The following NMUR2 variants were observed in gnomAD, a reference collection of about 807,000 sequenced individuals.
NMUR2 encodes the protein neuromedin-U receptor 2.
In NMUR2, 24 loss-of-function variants were observed where a neutral mutation model predicts 25.1. The observed-to-expected ratio is 0.96, with a 90% CI of 0.69 to 1.34. The LOEUF (loss-of-function observed/expected upper bound fraction) is 1.34. Ranked by LOEUF, NMUR2 falls within the 40% of genes most tolerant of loss-of-function variation. The pLI, the probability that NMUR2 is intolerant of heterozygous loss-of-function variation, is 0.00. For synonymous variants in NMUR2, 218 were observed against 208.1 expected, an observed-to-expected ratio of 1.05 and a Z score of -0.41; for missense variants, 533 against 512.8, an observed-to-expected ratio of 1.04 and a Z score of -0.38.
At position 152,405,254 on chromosome 5, in the gene NMUR2, AGAGT is replaced by A. The variant is rs564618708; in HGVS notation, c.-145_-142del. 47 of 1,004,098 alleles carry A rather than the reference AGAGT, an allele frequency of 4.7e-5. No homozygotes were observed. The East Asian group carries it at 1.2e-3, about 25-fold the overall frequency. The allele number at this position is 1,004,098 out of a possible 1,614,324, so 62.2% of individuals were successfully genotyped here. A position where few individuals can be genotyped will look rare whatever the true frequency, so the allele number is the denominator to read the frequency against. Reference sequence around the variant, plus strand: ...CAGGCTTCGTAAGGAAGGCTGGGAGAGAGTGAGTGTTTCACCCTCCAGGTTAGGC... The same window carrying A: ...CAGGCTTCGTAAGGAAGGCTGGGAGAGAGTGTTTCACCCTCCAGGTTAGGC... On this transcript the variant is annotated 5_prime_UTR_variant, in exon 1 of 4. Transcript: ENST00000255262.
chr5:152,404,801 C>T lies in NMUR2; in HGVS notation c.313G>A (p.Glu105Lys), dbSNP rs775060719. ...AAGAAAGGGTAGTTGCGCCACATCT[C>T]ATAGACCTCCAGGGGCATTCCAAGG... ...LLLGMPLEVY[E>K]MWRNYPFLFG... Residue 105 changes from glutamate to lysine, a missense_variant, in exon 1 of 4, where the codon GAG becomes AAG. Transcript: ENST00000255262. 5.0e-6 allele frequency: 8 copies of T among 1,614,022 alleles called. No homozygotes were observed. The highest frequency in any genetic ancestry group is 6.8e-6 in the Non-Finnish European group (8 of 1,180,038).
Position 152,392,303 on chromosome 5 carries a change from C to T in NMUR2, c.1136G>A (p.Gly379Asp). 1 of 1,613,872 alleles carries T rather than the reference C, an allele frequency of 6.2e-7. No homozygotes were observed. Among genetic ancestry groups the T allele is most frequent in the Non-Finnish European group, 8.5e-7 (1 of 1,179,922 alleles). The change falls in exon 4 of 4, where the codon GGT (glycine) becomes GAT (aspartate). Residue 379 changes from glycine to aspartate, a missense_variant. By Grantham distance (94) the Gly-to-Asp change is moderately conservative. Coordinates refer to ENST00000255262, the MANE Select transcript of NMUR2 (RefSeq NM_020167.5). ...GGATGACTGACATGGGAATTGGGGA[C>T]CTATATCTTCGGTCAGCTCCACAAA... ...CHFVELTEDI[G>D]PQFPCQSSMH...
intron 1 of NMUR2, among the ~76,000 whole-genome samples, chr5:152,402,301 A>G (rs1364645298): frequency 1.3e-5 from 2 of 152,162 alleles, no homozygotes; most frequent in South Asian, 2.1e-4. Flanking sequence ...TATAGTGTAC[A>G]TAAAGGCCCT....
rs915020012 is a variant in NMUR2 at position 152,392,715 on chromosome 5, T to C, written c.938-214A>G. ...ATCAAACACAAAGATTAAAGAGTCT[T>C]GGAGTAAGTTAGGCTGACATGGGAT... On this transcript the variant is annotated intron_variant, in intron 3 of 3. Coordinates refer to ENST00000255262, the MANE Select transcript of NMUR2 (RefSeq NM_020167.5). Among the ~76,000 whole-genome samples the C allele has an allele frequency of 2.0e-5, 3 of 152,314 alleles. No individual in the cohort carries two copies. In the South Asian group the frequency reaches 6.2e-4, roughly 32 times the overall value.
At position 152,392,487 on chromosome 5, in the gene NMUR2, G is replaced by A; in HGVS notation, c.952C>T (p.Leu318=). Residue 318 remains leucine, a synonymous_variant, in exon 4 of 4, where the codon CTG becomes TTG. Coordinates refer to ENST00000255262, the MANE Select transcript of NMUR2 (RefSeq NM_020167.5). ...ATAATGGGGTTGACAGCTGAGCTCA[G>A]GTAGAAGAAGACACCTGGAATGCAG... is the stretch of plus-strand genomic sequence containing the variant. ...VHVVSGVFFY[L]SSAVNPIIYN... 1 of 1,612,062 alleles carries A rather than the reference G, an allele frequency of 6.2e-7. No homozygotes were observed. Among genetic ancestry groups the A allele is most frequent in the Non-Finnish European group, 8.5e-7 (1 of 1,178,418 alleles).
At chr5:152,401,809 A>T (rs961061865) in intron 1 of NMUR2, among the ~76,000 whole-genome samples, 1 of 147,478 alleles carries the variant, frequency 6.8e-6, no homozygotes, top group African/African-American at 2.4e-5. Context: ...CTGTGAGCAC[A>T]GATATGGGTT....
intron 1 of NMUR2, among the ~76,000 whole-genome samples, chr5:152,402,798 G>T (rs542539897): frequency 6.6e-6 from 1 of 152,156 alleles, no homozygotes; most frequent in Non-Finnish European, 1.5e-5. Flanking sequence ...GAGCTAGTGC[G>T]GGGTGGGACA....
intron 3 of NMUR2, among the ~76,000 whole-genome samples, chr5:152,395,025 G>T (rs1753125490): frequency 6.6e-6 from 1 of 151,976 alleles, no homozygotes; most frequent in African/African-American, 2.4e-5. Flanking sequence ...AACAAGCAGA[G>T]TTACAGTAGC....
chr5:152,403,143 T>G (rs1753287282), intron 1 of NMUR2, among the ~76,000 whole-genome samples: 1 of 152,218 alleles, frequency 6.6e-6, no homozygotes, highest in South Asian at 2.1e-4. Context: ...ACAGGTGTTT[T>G]TTTTTCTTTT....
Sources: gnomAD v4.1 joint callset for allele counts (sites outside exome capture counted in the v4.1 genomes callset) on GRCh38, gnomAD v4.1.1 for gene constraint, MANE v1.5 for transcripts, NCBI Gene and HGNC (gene_info 2026-07-23, HGNC 2026-07-21) for gene names.